Variants in AMBRA1 observed in about 807,000 individuals in gnomAD.
AMBRA1 encodes the protein autophagy and beclin 1 regulator 1.
A neutral mutation model predicts 125.4 loss-of-function variants in AMBRA1; 47 were observed. The observed-to-expected ratio is 0.37, with a 90% CI of 0.30 to 0.48. The LOEUF (loss-of-function observed/expected upper bound fraction) is 0.48. Among genes scored for constraint, AMBRA1 ranks in the 20% least tolerant of loss-of-function variants. The pLI, the probability that AMBRA1 is intolerant of heterozygous loss-of-function variation, is 0.99. For synonymous variants in AMBRA1, 626 were observed against 655.5 expected (o/e 0.95, Z 0.69); for missense variants, 1,331 against 1,693.4 (o/e 0.79, Z 3.76).
chr11:46,572,775 A>G (rs751357096), intron 1 of AMBRA1, among the ~76,000 whole-genome samples: 4 of 152,100 alleles, frequency 2.6e-5, no homozygotes, highest in Non-Finnish European at 5.9e-5. Context: ...CCCCCACTGT[A>G]CATTTGTGGT....
chr11:46,577,367 T>C (rs893741076), intron 1 of AMBRA1, among the ~76,000 whole-genome samples: 1 of 152,038 alleles, frequency 6.6e-6, no homozygotes, highest in African/African-American at 2.4e-5. Flanking sequence ...ACACAAAAGA[T>C]CACATATTGT....
intron 11 of AMBRA1, among the ~76,000 whole-genome samples, chr11:46,477,837 A>AG (rs1291101411): frequency 1.3e-5 from 2 of 152,088 alleles, no homozygotes; most frequent in Non-Finnish European, 2.9e-5. Context: ...GCACTTTGGG[A>AG]GGCTGAGACG....
chr11:46,459,921 T>A (rs1590863065), intron 11 of AMBRA1, among the ~76,000 whole-genome samples: 1 of 152,198 alleles, frequency 6.6e-6, no homozygotes, highest in East Asian at 1.9e-4. Flanking sequence ...ACCAATGAAG[T>A]TCAGGAGCCT....
At chr11:46,503,014 T>C (rs1462084182) in intron 9 of AMBRA1, among the ~76,000 whole-genome samples, 4 of 145,384 alleles carry the variant, frequency 2.8e-5, no homozygotes, top group South Asian at 2.2e-4. Context: ...TGAGCCGAGA[T>C]TGTGCCGCTG....
intron 11 of AMBRA1, among the ~76,000 whole-genome samples, chr11:46,465,915 A>G (rs1949303526): frequency 6.6e-6 from 1 of 152,238 alleles, no homozygotes; most frequent in African/African-American, 2.4e-5. Context: ...ATCAGCAGCA[A>G]ACAGATAAAG....
chr11:46,533,275 G>A (rs1043974910), intron 7 of AMBRA1, among the ~76,000 whole-genome samples: 21 of 152,170 alleles, frequency 1.4e-4, no homozygotes, highest in African/African-American at 4.8e-4. Context: ...GCAGATCTCT[G>A]AGCAGTGGCT....
Position 46,537,420 on chromosome 11 carries a change from T to C in AMBRA1, c.2072+4525A>G, listed in dbSNP as rs756806293. Among the ~76,000 whole-genome samples, 184 of 152,332 alleles carry C rather than the reference T, an allele frequency of 1.2e-3. 1 individual carries two copies. The highest frequency in any genetic ancestry group is 5.2e-4 in the Admixed American group (8 of 15,306). ...CTCTGTTTTGTCATCAGAGAGAGAC[T>C]AGACTACAAAAGTTCTAGGTTCCCT... On this transcript the variant is annotated intron_variant, in intron 7 of 17. Transcript: ENST00000683756.
chr11:46,580,287 TAGG>T (rs1400007470), intron 1 of AMBRA1, among the ~76,000 whole-genome samples: 1 of 152,222 alleles, frequency 6.6e-6, no homozygotes, highest in Non-Finnish European at 1.5e-5. Flanking sequence ...ACTTGTTCTC[TAGG>T]AGATCTCATC....
intron 11 of AMBRA1, among the ~76,000 whole-genome samples, chr11:46,492,323 G>T (rs927949264): frequency 6.6e-6 from 1 of 152,182 alleles, no homozygotes; most frequent in African/African-American, 2.4e-5. Context: ...AGATCCCATG[G>T]CCTTGATGCT....
chr11:46,447,764 ATAGATAGATAGATAG>A (rs1301379297), intron 11 of AMBRA1, among the ~76,000 whole-genome samples: 1 of 82,802 alleles, frequency 1.2e-5, no homozygotes, highest in Non-Finnish European at 3.1e-5. Context: ...AGATAGATAG[ATAGATAGATAGATAG>A]TGATGGCAAA....
chr11:46,397,479 C>A lies in AMBRA1; in HGVS notation c.3868G>T (p.Gly1290Cys). 6.6e-7 allele frequency: 1 copy of A among 1,520,464 alleles called. No homozygotes were observed. Among genetic ancestry groups the A allele is most frequent in the South Asian group, 1.3e-5 (1 of 76,096 alleles). The allele number at this position is 1,520,464 out of a possible 1,614,324, so 94.2% of individuals were successfully genotyped here. ...CTGTTCCGTGGTTCTCCCCTAGGGCCTGCAGCGTCCCCCCTGCTGCTGCCA... is the reference window on the plus strand; with the variant it reads ...CTGTTCCGTGGTTCTCCCCTAGGGCATGCAGCGTCCCCCCTGCTGCTGCCA... ...DGGSSRGDAA[G>C]PRGEPRNR The change falls in exon 18 of 18, where the codon GGC (glycine) becomes TGC (cysteine). Residue 1290 changes from glycine (G) to cysteine (C), a missense_variant. Physicochemically the swap from Gly to Cys is radical, Grantham distance 159 (BLOSUM62 -3). Coordinates refer to ENST00000683756, the MANE Select transcript of AMBRA1 (RefSeq NM_001387011.1).
intron 17 of AMBRA1, among the ~76,000 whole-genome samples, chr11:46,404,694 TC>T (rs1945924518): frequency 6.6e-6 from 1 of 152,144 alleles, no homozygotes; most frequent in South Asian, 2.1e-4. Context: ...GCTGGGGCCA[TC>T]CTCTACCGCC....
intron 11 of AMBRA1, among the ~76,000 whole-genome samples, chr11:46,489,574 A>C (rs1306822580): frequency 6.6e-6 from 1 of 152,208 alleles, no homozygotes. Flanking sequence ...GAGCAAGAAA[A>C]CCCTGACACT....
At position 46,505,302 on chromosome 11, in the gene AMBRA1, C is replaced by G. The variant is rs766366264; in HGVS notation, c.2339+2889G>C. Among the ~76,000 whole-genome samples the G allele has an allele frequency of 1.8e-4, 27 of 152,294 alleles. No individual in the cohort carries two copies. In the Middle Eastern group the frequency reaches 0.014, roughly 77 times the overall value. The stretch of plus-strand genomic sequence containing the variant: ...TGTTATTCTCCCTCCTCACAGAGCA[C>G]GTGGACACTCAGAGGACAGGAGCAA... On this transcript the variant is annotated intron_variant, in intron 9 of 17. Transcript: ENST00000683756.
intron 11 of AMBRA1, among the ~76,000 whole-genome samples, chr11:46,479,908 G>A (rs1354748830): frequency 1.3e-5 from 2 of 152,080 alleles, no homozygotes; most frequent in African/African-American, 4.8e-5. Context: ...CAGTTCTATA[G>A]GCCTGAAGTC....
At chr11:46,429,695 T>G (rs555419745) in intron 14 of AMBRA1, among the ~76,000 whole-genome samples, 6 of 152,278 alleles carry the variant, frequency 3.9e-5, no homozygotes, top group Admixed American at 3.3e-4. Context: ...ACAACCAAAG[T>G]TATTATACTG....
chr11:46,397,117 GCT>G lies in AMBRA1; in HGVS notation c.*331_*332del, dbSNP rs1278564154. 15 of 216,958 alleles carry G rather than the reference GCT, an allele frequency of 6.9e-5. No individual in the cohort carries two copies. The highest frequency in any genetic ancestry group is 1.3e-4 in the Non-Finnish European group (14 of 111,020). The allele number at this position is 216,958 out of a possible 1,614,324, so 13.4% of individuals were successfully genotyped here. A position where few individuals can be genotyped will look rare whatever the true frequency, so the allele number is the denominator to read the frequency against. ...CTGGAAGACTGTTCACTCTCTGGAG[GCT>G]CTCTGTCCAGGGCTGAGTCCCCTGA... On this transcript the variant is annotated 3_prime_UTR_variant, in exon 18 of 18. Transcript: ENST00000683756.
intron 9 of AMBRA1, chr11:46,495,463 A>G (rs1950597358): frequency 6.6e-6 from 1 of 152,240 alleles, no homozygotes; most frequent in African/African-American, 2.4e-5. Flanking sequence ...GGATATTGGA[A>G]GCTGATCCAT....
At chr11:46,548,521 G>C in intron 1 of AMBRA1, 21 bp from the exon 2 acceptor site, 1 of 987,800 alleles carries the variant, frequency 1.0e-6, no homozygotes, top group South Asian at 2.1e-5. Context: ...AAAGAATAAT[G>C]TCAAAGAACG....
Sources: gnomAD v4.1 joint callset for allele counts (sites outside exome capture counted in the v4.1 genomes callset) on GRCh38, gnomAD v4.1.1 for gene constraint, MANE v1.5 for transcripts, NCBI Gene and HGNC (gene_info 2026-07-23, HGNC 2026-07-21) for gene names.